The following CIAO3 variants were observed in gnomAD, a reference collection of about 807,000 sequenced individuals.
CIAO3 encodes cytosolic iron-sulfur assembly component 3.
In CIAO3, 45 loss-of-function variants were observed where a neutral mutation model predicts 51.5. That is an observed-to-expected ratio of 0.87 (90% CI 0.69 to 1.12). The LOEUF is 1.12. Among genes scored for constraint, CIAO3 ranks in the 50% most tolerant of loss-of-function variants. The pLI is 0.00. For synonymous variants in CIAO3, 314 were observed against 269.3 expected, an observed-to-expected ratio of 1.17 and a Z score of -1.63; for missense variants, 668 against 632.5, an observed-to-expected ratio of 1.06 and a Z score of -0.60.
Position 730,405 on chromosome 16 carries a change from G to T in CIAO3, c.*12C>A. On this transcript the variant is annotated 3_prime_UTR_variant, in exon 11 of 11. Transcript: ENST00000251588. ...TGGACACGGCCTCCTGGGAGTCCTG[G>T]TCCTGCAGCCCCTACCACCGGATGC... The T allele has an allele frequency of 6.3e-7, 1 of 1,597,672 alleles. No individual in the cohort carries two copies. Among genetic ancestry groups the T allele is most frequent in the South Asian group, 1.1e-5 (1 of 91,020 alleles).
At position 730,578 on chromosome 16, in the gene CIAO3, A is replaced by G. The variant is rs1434141815; in HGVS notation, c.1270T>C (p.Tyr424His). Reference sequence around the variant, plus strand: ...GGCGCCTCAGCCCGGACCATGCCGTACAGTCTCTCCACGTGCTGGAGGAGC... The same window carrying G: ...GGCGCCTCAGCCCGGACCATGCCGTGCAGTCTCTCCACGTGCTGGAGGAGC... ...RELLQHVERL[Y>H]GMVRAEAPED... Residue 424 changes from tyrosine (Y) to histidine (H), a missense_variant, in exon 11 of 11, where the codon TAC becomes CAC. By Grantham distance (83) the Tyr-to-His change is moderately conservative. Coordinates refer to ENST00000251588, the MANE Select transcript of CIAO3 (RefSeq NM_022493.3). The G allele has an allele frequency of 6.2e-7, 1 of 1,611,030 alleles. No homozygotes were observed. The highest frequency in any genetic ancestry group is 1.1e-5 in the South Asian group (1 of 91,088).
intron 2 of CIAO3, chr16:739,358 TG>T (rs1426845874): frequency 4.4e-6 from 2 of 456,884 alleles, no homozygotes; most frequent in South Asian, 2.5e-5. Context: ...AAATCTTACA[TG>T]GTTAGAACTA....
At chr16:736,090 G>A (rs892561617) in intron 4 of CIAO3, among the ~76,000 whole-genome samples, 176 bp downstream of exon 4, 1 of 152,174 alleles carries the variant, frequency 6.6e-6, no homozygotes, top group African/African-American at 2.4e-5. Context: ...AGAAGGCCCT[G>A]CTCTCAAATG....
rs777028487 is a variant in CIAO3, at chr16:732,354, C to T, written c.843G>A (p.Leu281=). ...CGGGGAGGGAGACGCCCTCTTCCTC[C>T]AGCAACCTGAAAACTTCTCCTGCAA... The part of the protein sequence containing the change: ...VLTTGEVFRL[L]EEEGVSLPDL... The change falls in exon 8 of 11, where the codon CTG becomes CTA. Residue 281 remains leucine (L), a synonymous_variant. Transcript: ENST00000251588. 6.2e-7 allele frequency: 1 copy of T among 1,612,944 alleles called. No homozygotes were observed. The highest frequency in any genetic ancestry group is 8.5e-7 in the Non-Finnish European group (1 of 1,179,886).
At chr16:740,433 C>T in intron 1 of CIAO3, 1 of 312,122 alleles carries the variant, frequency 3.2e-6, no homozygotes, top group Non-Finnish European at 6.4e-6. Context: ...GAGGTGGGGT[C>T]CCCACCGCAC....
rs1177732139 is a variant in CIAO3 at position 737,465 on chromosome 16, A to T, written c.163-136T>A. 40 of 1,535,296 alleles carry T rather than the reference A, an allele frequency of 2.6e-5. No homozygotes were observed. The highest frequency in any genetic ancestry group is 3.5e-5 in the Non-Finnish European group (40 of 1,142,752). On this transcript the variant is annotated intron_variant, in intron 2 of 10. Transcript: ENST00000251588. This position sits in a 1 kb window ranked among gnomAD's most constrained non-coding sequence, Gnocchi z 5.3. Reference sequence around the variant, plus strand: ...GCTTGTGTGCCGCTGAATTTTTAAAAATTAGGTATGTATTACAAAAATGCA... The same window carrying T: ...GCTTGTGTGCCGCTGAATTTTTAAATATTAGGTATGTATTACAAAAATGCA...
chr16:731,655 C>A lies in CIAO3; in HGVS notation c.944G>T (p.Gly315Val), dbSNP rs1031664166. 1.3e-6 allele frequency: 2 copies of A among 1,557,528 alleles called. No individual in the cohort carries two copies. Among genetic ancestry groups the A allele is most frequent in the Non-Finnish European group, 8.7e-7 (1 of 1,151,514 alleles). The change falls in exon 9 of 11, where the codon GGC becomes GTC. Residue 315 changes from glycine to valine, a missense_variant. Gly to Val is a moderately radical substitution (Grantham distance 109). Transcript: ENST00000251588. ...CACGTGCTCCAGGTAGCCCCCCGAG[C>A]CCCCTCCCCGATGGCTGGTGGGCTC... ...AEEPTSHRGG[G>V]SGGYLEHVFR... is the part of the protein sequence containing the mutation.
At chr16:733,092 C>G (rs931016364) in intron 7 of CIAO3, 1 of 601,510 alleles carries the variant, frequency 1.7e-6, no homozygotes, top group Non-Finnish European at 2.9e-6. Context: ...TGAGCGCCAC[C>G]TGGCTGCAGG....
Position 740,995 on chromosome 16 carries a change from A to T in CIAO3, c.-10T>A. ...TGAAGGGCGACGCCATGACGGCCGCACTGCCGCCGCGCGCAGGTGTCGCTA... is the reference window on the plus strand; with the variant it reads ...TGAAGGGCGACGCCATGACGGCCGCTCTGCCGCCGCGCGCAGGTGTCGCTA... On this transcript the variant is annotated 5_prime_UTR_variant, in exon 1 of 11. Transcript: ENST00000251588. 1 of 1,495,686 alleles carries T rather than the reference A, an allele frequency of 6.7e-7. No homozygotes were observed. Among genetic ancestry groups the T allele is most frequent in the Non-Finnish European group, 8.9e-7 (1 of 1,125,358 alleles). 92.7% of individuals were successfully genotyped at this position (1,495,686 alleles called of 1,614,324 possible).
chr16:730,378 C>T lies in CIAO3; in HGVS notation c.*39G>A. On this transcript the variant is annotated 3_prime_UTR_variant, in exon 11 of 11. Transcript: ENST00000251588. ...TGGGGCATGTGGTTCTGCTGTCACA[C>T]ATGGACACGGCCTCCTGGGAGTCCT... The T allele has an allele frequency of 6.3e-7, 1 of 1,578,030 alleles. No homozygotes were observed. The highest frequency in any genetic ancestry group is 8.6e-7 in the Non-Finnish European group (1 of 1,162,640).
chr16:732,374 C>T lies in CIAO3; in HGVS notation c.824-1G>A. 2 of 1,612,796 alleles carry T rather than the reference C, an allele frequency of 1.2e-6. No individual in the cohort carries two copies. Among genetic ancestry groups the T allele is most frequent in the South Asian group, 1.1e-5 (1 of 91,078 alleles). On this transcript the variant is annotated splice_acceptor_variant, in intron 7 of 10. Coordinates refer to ENST00000251588, the MANE Select transcript of CIAO3 (RefSeq NM_022493.3). LOFTEE classifies it high-confidence loss of function. ...TCCTCCAGCAACCTGAAAACTTCTC[C>T]TGCAAAGAAGCCACAGCGCAGACAC... is the stretch of plus-strand genomic sequence containing the variant.
intron 6 of CIAO3, chr16:733,698 C>T (rs890162462): frequency 6.3e-6 from 3 of 472,782 alleles, no homozygotes; most frequent in East Asian, 4.1e-5. Context: ...TCCCACGGCT[C>T]GGGCCGTCTC....
chr16:732,097 C>T lies in CIAO3; in HGVS notation c.896+204G>A, dbSNP rs367725510. The T allele has an allele frequency of 1.3e-4, 78 of 617,456 alleles. 1 individual carries two copies. In the Middle Eastern group the frequency reaches 1.4e-3, roughly 11 times the overall value. 38.2% of individuals were successfully genotyped at this position (617,456 alleles called of 1,614,324 possible). A position where few individuals can be genotyped will look rare whatever the true frequency, so the allele number is the denominator to read the frequency against. Reference sequence around the variant, plus strand: ...TTCACCATGTTGGCCGAGCTGGTCTCGAACTCCTGACCTCAGGTGATCTGC... The same window carrying T: ...TTCACCATGTTGGCCGAGCTGGTCTTGAACTCCTGACCTCAGGTGATCTGC... On this transcript the variant is annotated intron_variant, in intron 8 of 10. Coordinates refer to ENST00000251588, the MANE Select transcript of CIAO3 (RefSeq NM_022493.3).
chr16:739,483 A>AC (rs1170326730), intron 2 of CIAO3, 160 bp downstream of exon 2: 7 of 712,692 alleles, frequency 9.8e-6, no homozygotes, highest in Non-Finnish European at 1.7e-5. Context: ...AGGCACCCTG[A>AC]CCCCCAGCCT....
Position 730,282 on chromosome 16 carries a change from G to C in CIAO3, c.*135C>G. ...ACGAGGCGGCTGCGGGTCCTGGCTA[G>C]TCCTAGCTCCTACTCGGGTCCCAGC... On this transcript the variant is annotated 3_prime_UTR_variant, in exon 11 of 11. Coordinates refer to ENST00000251588, the MANE Select transcript of CIAO3 (RefSeq NM_022493.3). 1 of 898,656 alleles carries C rather than the reference G, an allele frequency of 1.1e-6. No homozygotes were observed. Among genetic ancestry groups the C allele is most frequent in the Non-Finnish European group, 1.7e-6 (1 of 582,492 alleles). The allele number at this position is 898,656 out of a possible 1,614,324, so 55.7% of individuals were successfully genotyped here. A position where few individuals can be genotyped will look rare whatever the true frequency, so the allele number is the denominator to read the frequency against.
chr16:733,162 A>C, intron 7 of CIAO3, 136 bp downstream of exon 7: 1 of 1,119,088 alleles, frequency 8.9e-7, no homozygotes, highest in East Asian at 2.6e-5. Flanking sequence ...AGACGAAGGT[A>C]CGTGCACGCA....
chr16:738,705 T>C (rs2041363509), intron 2 of CIAO3, among the ~76,000 whole-genome samples: 2 of 150,918 alleles, frequency 1.3e-5, no homozygotes. Flanking sequence ...TGGAGTGCAG[T>C]GGAGCAATCT....
Position 736,349 on chromosome 16 carries a change from T to G in CIAO3, c.356A>C (p.Gln119Pro), listed in dbSNP as rs1197808016. 1.2e-6 allele frequency: 2 copies of G among 1,612,952 alleles called. No individual in the cohort carries two copies. Among genetic ancestry groups the G allele is most frequent in the Non-Finnish European group, 1.7e-6 (2 of 1,179,830 alleles). ...QRLVVVSVSPQSRASLAARFQ... is the reference protein window; with the variant it reads ...QRLVVVSVSPPSRASLAARFQ... ...CCGTGCAGCCAGCGATGCTCTAGAC[T>G]GTGGTGAGACCGAAACTACAACCAG... The change falls in exon 4 of 11, where the codon CAG (glutamine) becomes CCG (proline). Residue 119 changes from glutamine (Q) to proline (P), a missense_variant. Gln to Pro is a moderately conservative substitution (Grantham distance 76). Transcript: ENST00000251588.
intron 5 of CIAO3, 154 bp downstream of exon 5, chr16:734,583 A>G (rs1340128331): frequency 2.2e-6 from 3 of 1,390,174 alleles, no homozygotes; most frequent in Non-Finnish European, 3.0e-6. Flanking sequence ...TCTTCTCCAG[A>G]AAAGGCCATT....
Sources: allele counts gnomAD v4.1 joint callset (sites outside exome capture counted in the v4.1 genomes callset), GRCh38; gene constraint gnomAD v4.1.1; non-coding constraint Gnocchi (gnomAD v3.1); transcripts MANE v1.5; gene names NCBI Gene and HGNC (gene_info 2026-07-23, HGNC 2026-07-21).